The following TEX15 variants were observed in gnomAD, a reference collection of about 807,000 sequenced individuals.
TEX15 encodes the protein testis expressed 15, meiosis and synapsis associated.
A neutral mutation model predicts 237.3 loss-of-function variants in TEX15; 171 were observed. The ratio of observed to expected loss-of-function variants is 0.72; its 90% CI spans 0.64 to 0.82. TEX15 has a LOEUF of 0.82. Among genes scored for constraint, TEX15 ranks in the 40% least tolerant of loss-of-function variants. TEX15 has a pLI of 0.00. For missense variants in TEX15, 3,750 were observed against 3,646.5 expected, an observed-to-expected ratio of 1.03 and a Z score of -0.73; for synonymous variants, 1,338 against 1,269.8, an observed-to-expected ratio of 1.05 and a Z score of -1.14.
Position 30,849,280 on chromosome 8 carries a change from T to G in TEX15, c.887A>C (p.Lys296Thr), listed in dbSNP as rs754317374. The change falls in exon 8 of 11, where the codon AAA (lysine) becomes ACA (threonine). Residue 296 changes from lysine (K) to threonine (T), a missense_variant. Transcript: ENST00000643185. ...AGCATCTTTTCCTTTTCCAAATCTT[T>G]TGGCCACTGTACAGTTATTCAGAGA... ...TCSLNNCTVA[K>T]RFGKGKDATV... 137 of 1,534,642 alleles carry G rather than the reference T, an allele frequency of 8.9e-5. No homozygotes were observed. The highest frequency in any genetic ancestry group is 1.4e-5 in the Non-Finnish European group (16 of 1,146,462).
chr8:30,843,434 T>C lies in TEX15; in HGVS notation c.6733A>G (p.Ile2245Val). ...TTAATAAAATTAACCTTTGAGGAGA[T>C]CATTTCTATGATAATCCACAGATGG... ...QDHLWIIIEM[I>V]SSKVNFIKNN... Residue 2245 changes from isoleucine (I) to valine (V), a missense_variant, in exon 8 of 11, where the codon ATC becomes GTC. By Grantham distance (29) the Ile-to-Val change is conservative. Coordinates refer to ENST00000643185, the MANE Select transcript of TEX15 (RefSeq NM_001350162.2). The C allele has an allele frequency of 6.2e-7, 1 of 1,613,210 alleles. No homozygotes were observed. The highest frequency in any genetic ancestry group is 8.5e-7 in the Non-Finnish European group (1 of 1,179,640).
chr8:30,904,091 T>TA (rs1385278087), intron 1 of TEX15, among the ~76,000 whole-genome samples: 1 of 152,186 alleles, frequency 6.6e-6, no homozygotes, highest in African/African-American at 2.4e-5. Context: ...TGATTAAAGA[T>TA]AATGACACAA....
intron 3 of TEX15, among the ~76,000 whole-genome samples, chr8:30,883,809 A>C (rs181212363): frequency 6.6e-6 from 1 of 152,270 alleles, no homozygotes; most frequent in East Asian, 1.9e-4. Context: ...CGCAATAAAC[A>C]TATGTGTGCA....
intron 7 of TEX15, among the ~76,000 whole-genome samples, chr8:30,852,492 TAATCTC>T (rs1242061941): frequency 6.6e-6 from 1 of 152,194 alleles, no homozygotes; most frequent in African/African-American, 2.4e-5. Flanking sequence ...AGTAGAATCT[TAATCTC>T]TATATTATGC....
intron 1 of TEX15, 135 bp downstream of exon 1, chr8:30,912,744 T>G (rs749372925): frequency 1.3e-5 from 2 of 152,246 alleles, no homozygotes; most frequent in Non-Finnish European, 2.9e-5. Flanking sequence ...ATAAATTTAA[T>G]CGGGAAGCTC....
intron 3 of TEX15, among the ~76,000 whole-genome samples, chr8:30,886,382 A>C (rs1374959183): frequency 6.6e-6 from 1 of 152,160 alleles, no homozygotes; most frequent in Non-Finnish European, 1.5e-5. Flanking sequence ...TCCTCCACCA[A>C]CACTGTAGGA....
At chr8:30,900,466 T>C (rs944070031) in intron 1 of TEX15, among the ~76,000 whole-genome samples, 6 of 152,246 alleles carry the variant, frequency 3.9e-5, no homozygotes, top group Non-Finnish European at 7.3e-5. Context: ...AATATGTGTA[T>C]TTGAAAACTG....
At chr8:30,850,405 C>T (rs1427378811) in intron 7 of TEX15, among the ~76,000 whole-genome samples, 1 of 152,094 alleles carries the variant, frequency 6.6e-6, no homozygotes, top group African/African-American at 2.4e-5. Context: ...CCTAAAAATA[C>T]CTTTCCTAAA....
At chr8:30,881,531 T>C (rs1041702930) in intron 3 of TEX15, among the ~76,000 whole-genome samples, 1 of 152,060 alleles carries the variant, frequency 6.6e-6, no homozygotes, top group Non-Finnish European at 1.5e-5. Flanking sequence ...TCAGACTTGA[T>C]AAAGGTTTGT....
Position 30,833,024 on chromosome 8 carries a change from G to C in TEX15, c.*262C>G, listed in dbSNP as rs1720258604. ...TCAGAAGCAAGAATCTAGTTTTAAA[G>C]ATTTTACCACTATTGCTTAACTTTG... On this transcript the variant is annotated 3_prime_UTR_variant, in exon 11 of 11. Transcript: ENST00000643185. The C allele has an allele frequency of 7.0e-6, 2 of 287,726 alleles. No individual in the cohort carries two copies. Among genetic ancestry groups the C allele is most frequent in the Non-Finnish European group, 1.3e-5 (2 of 155,550 alleles). 17.8% of individuals were successfully genotyped at this position (287,726 alleles called of 1,614,324 possible). A position where few individuals can be genotyped will look rare whatever the true frequency, so the allele number is the denominator to read the frequency against.
intron 5 of TEX15, among the ~76,000 whole-genome samples, chr8:30,860,914 C>A (rs1166091836): frequency 6.6e-6 from 1 of 151,690 alleles, no homozygotes; most frequent in Non-Finnish European, 1.5e-5. Context: ...ACACGAATAG[C>A]TCAGAATTTT....
intron 8 of TEX15, among the ~76,000 whole-genome samples, chr8:30,841,690 C>CA (rs1807456386): frequency 1.3e-5 from 2 of 152,148 alleles, no homozygotes; most frequent in South Asian, 4.1e-4. Flanking sequence ...ATTGGTCTCT[C>CA]ACTCAGTGTT....
Position 30,831,737 on chromosome 8 carries a change from A to G in TEX15, c.*1549T>C, listed in dbSNP as rs1807183629. On this transcript the variant is annotated 3_prime_UTR_variant, in exon 11 of 11. Coordinates refer to ENST00000643185, the MANE Select transcript of TEX15 (RefSeq NM_001350162.2). Reference sequence around the variant, plus strand: ...CTAGAATATTTAACTTTTGGTTTACATATTAGTAGTAGTATTAACTATAAA... The same window carrying G: ...CTAGAATATTTAACTTTTGGTTTACGTATTAGTAGTAGTATTAACTATAAA... 6.6e-6 allele frequency: 1 copy of G among 152,260 alleles called. No individual in the cohort carries two copies. Among genetic ancestry groups the G allele is most frequent in the Non-Finnish European group, 1.5e-5 (1 of 68,034 alleles). The allele number at this position is 152,260 out of a possible 1,614,324, so 9.4% of individuals were successfully genotyped here. A position where few individuals can be genotyped will look rare whatever the true frequency, so the allele number is the denominator to read the frequency against.
In TEX15 at chr8:30,842,710, A is replaced by G. The variant is rs1807490210; in HGVS notation, c.7457T>C (p.Val2486Ala). Residue 2486 changes from valine to alanine, a missense_variant, in exon 8 of 11, where the codon GTT (valine) becomes GCT (alanine). Physicochemically the swap from Val to Ala is moderately conservative, Grantham distance 64 (BLOSUM62 0). Transcript: ENST00000643185. ...AGAAGCCATTTTTTCTTGGCACTGA[A>G]CCAGCTCAGGAAGAAGTGACAAATC... is the stretch of plus-strand genomic sequence containing the variant. ...WFDLSLLPEL[V>A]QCQEKMASFS... 1 of 1,613,320 alleles carries G rather than the reference A, an allele frequency of 6.2e-7. No homozygotes were observed. Among genetic ancestry groups the G allele is most frequent in the African/African-American group, 1.3e-5 (1 of 74,914 alleles).
chr8:30,840,049 T>C, intron 8 of TEX15, 85 bp from the exon 9 acceptor site: 1 of 780,724 alleles, frequency 1.3e-6, no homozygotes, highest in Non-Finnish European at 1.9e-6. Context: ...TTAGATATTT[T>C]TAATTGCTTG....
intron 2 of TEX15, among the ~76,000 whole-genome samples, chr8:30,895,592 C>T (rs1219961825): frequency 1.3e-5 from 2 of 150,034 alleles, no homozygotes; most frequent in Admixed American, 1.3e-4. Context: ...AGACTCAACA[C>T]CTATGAAGCC....
chr8:30,858,574 A>G lies in TEX15; in HGVS notation c.850+94T>C, dbSNP rs1041443935. 5 of 1,099,242 alleles carry G rather than the reference A, an allele frequency of 4.5e-6. No homozygotes were observed. The East Asian group carries it at 1.1e-4, about 24-fold the overall frequency. The allele number at this position is 1,099,242 out of a possible 1,614,324, so 68.1% of individuals were successfully genotyped here. On this transcript the variant is annotated intron_variant, in intron 7 of 10. Coordinates refer to ENST00000643185, the MANE Select transcript of TEX15 (RefSeq NM_001350162.2). ...CCGCCTCCCAAAGTGCTAGGATTAC[A>G]GGTGTGAACCATTGTGTCCAGCCAG...
intron 2 of TEX15, among the ~76,000 whole-genome samples, chr8:30,889,957 A>G (rs1808762558): frequency 1.4e-5 from 2 of 144,952 alleles, no homozygotes; most frequent in Admixed American, 7.0e-5. Context: ...ATATATACAT[A>G]TATATATATA....
At position 30,846,363 on chromosome 8, in the gene TEX15, G is replaced by C; in HGVS notation, c.3804C>G (p.Val1268=). The C allele has an allele frequency of 6.2e-7, 1 of 1,613,100 alleles. No homozygotes were observed. Among genetic ancestry groups the C allele is most frequent in the South Asian group, 1.1e-5 (1 of 90,984 alleles). The change falls in exon 8 of 11, where the codon GTC becomes GTG. Residue 1268 remains valine (V), a synonymous_variant. Transcript: ENST00000643185. ...ATCTGCTTCCATCATCTATTGTTGT[G>C]ACATTAGAAGGTTCAGTAAACAAAG... ...SESLFTEPSN[V]TTIDDGSRCF...
Sources: allele counts gnomAD v4.1 joint callset (sites outside exome capture counted in the v4.1 genomes callset), GRCh38; gene constraint gnomAD v4.1.1; transcripts MANE v1.5; gene names NCBI Gene and HGNC (gene_info 2026-07-23, HGNC 2026-07-21).